Variants in POP4 observed in about 807,000 individuals in gnomAD.
POP4 encodes ribonuclease P protein subunit p29.
Under a neutral mutation model 29.9 loss-of-function variants are expected in POP4, and 31 were observed. The observed-to-expected ratio is 1.04, with a 90% CI of 0.78 to 1.40. POP4 has a LOEUF of 1.40. Ranked by LOEUF, POP4 falls within the 40% of genes most tolerant of loss-of-function variation. The pLI is 0.00. For synonymous variants in POP4, 110 were observed against 108.2 expected (o/e 1.02, Z -0.10); for missense variants, 286 against 282.7 (o/e 1.01, Z -0.08).
intron 5 of POP4, among the ~76,000 whole-genome samples, chr19:29,612,672 T>G (rs539828164): frequency 6.6e-6 from 1 of 152,292 alleles, no homozygotes; most frequent in African/African-American, 2.4e-5. Context: ...CTGCCACCGA[T>G]TCTCCTCACA....
chr19:29,609,620 G>T (rs1971041386), intron 2 of POP4, among the ~76,000 whole-genome samples: 1 of 150,334 alleles, frequency 6.7e-6, no homozygotes, highest in African/African-American at 2.5e-5. Context: ...GAGCTTGGAG[G>T]GTTTCTTTGT....
chr19:29,612,117 G>A lies in POP4; in HGVS notation c.363G>A (p.Thr121=). 1 of 1,606,612 alleles carries A rather than the reference G, an allele frequency of 6.2e-7. No homozygotes were observed. Among genetic ancestry groups the A allele is most frequent in the South Asian group, 1.1e-5 (1 of 89,556 alleles). ...CCAAGGGCTTCTGTTTACCCTGCAG[G>A]CAGCCACAGATGATTCAGGCCAAGC... The part of the protein sequence containing the change: ...RDLCSGLKPD[T]QPQMIQAKLL... Residue 121 remains threonine, a splice_region_variant and synonymous_variant, in exon 5 of 7, where the codon ACG becomes ACA. Coordinates refer to ENST00000585603, the MANE Select transcript of POP4 (RefSeq NM_006627.3).
At chr19:29,613,740 C>G (rs556236696) in intron 5 of POP4, 131 bp from the exon 6 acceptor site, 1 of 1,400,590 alleles carries the variant, frequency 7.1e-7, no homozygotes, top group African/African-American at 1.5e-5. Flanking sequence ...CCCCCACCCC[C>G]TGGGTGCTCT....
chr19:29,610,830 G>C (rs1971059904), intron 3 of POP4, 198 bp downstream of exon 3: 1 of 595,758 alleles, frequency 1.7e-6, no homozygotes, highest in Non-Finnish European at 3.0e-6. Flanking sequence ...TCATTGTCTG[G>C]CCTCTCTCCT....
At chr19:29,609,101 C>T in intron 2 of POP4, 2 of 161,388 alleles carry the variant, frequency 1.2e-5, no homozygotes, top group South Asian at 1.8e-4. Context: ...CCTCGGCCTG[C>T]TTTGTCAGTT....
chr19:29,614,104 T>G lies in POP4; in HGVS notation c.526+132T>G. ...GCAGATTGCAGATACTTGCTGAACC[T>G]GCATTAAAGCCTGCAGAGACCATCC... On this transcript the variant is annotated intron_variant, in intron 6 of 6. Coordinates refer to ENST00000585603, the MANE Select transcript of POP4 (RefSeq NM_006627.3). 2.1e-6 allele frequency: 3 copies of G among 1,442,610 alleles called. No homozygotes were observed. The East Asian group carries it at 7.6e-5, about 36-fold the overall frequency. The allele number at this position is 1,442,610 out of a possible 1,614,324, so 89.4% of individuals were successfully genotyped here.
Position 29,611,893 on chromosome 19 carries a change from T to C in POP4, c.316T>C (p.Trp106Arg). ...CCTTTTCCTCCCTCTCCATGAACTC[T>C]GGAAACAGTACATCAGGGACCTGTG... is the stretch of plus-strand genomic sequence containing the variant. ...YSLFLPLHEL[W>R]KQYIRDLCSG... Residue 106 changes from tryptophan (W) to arginine (R), a missense_variant, in exon 4 of 7, where the codon TGG becomes CGG. Physicochemically the swap from Trp to Arg is moderately radical, Grantham distance 101. Coordinates refer to ENST00000585603, the MANE Select transcript of POP4 (RefSeq NM_006627.3). The C allele has an allele frequency of 6.2e-7, 1 of 1,614,202 alleles. No homozygotes were observed. The highest frequency in any genetic ancestry group is 8.5e-7 in the Non-Finnish European group (1 of 1,180,014).
At chr19:29,607,780 G>T (rs190330975) in intron 1 of POP4, among the ~76,000 whole-genome samples, 1 of 152,214 alleles carries the variant, frequency 6.6e-6, no homozygotes, top group African/African-American at 2.4e-5. Flanking sequence ...CATCGATTAT[G>T]TGACACATTA....
At position 29,615,272 on chromosome 19, in the gene POP4, T is replaced by A; in HGVS notation, c.555T>A (p.Thr185=). The change falls in exon 7 of 7, where the codon ACT becomes ACA. Residue 185 remains threonine (T), a synonymous_variant. Transcript: ENST00000585603. ...TCCCCAAGCTAAACTGCGTGTTCAC[T>A]GTGGAAACCGATGGCTTTATTTCCT... The part of the protein sequence containing the change: ...KVIPKLNCVF[T]VETDGFISYI... 6.2e-7 allele frequency: 1 copy of A among 1,605,426 alleles called. No individual in the cohort carries two copies. Among genetic ancestry groups the A allele is most frequent in the Non-Finnish European group, 8.5e-7 (1 of 1,174,402 alleles).
chr19:29,610,499 C>T lies in POP4; in HGVS notation c.151C>T (p.Leu51=). 1 of 1,612,366 alleles carries T rather than the reference C, an allele frequency of 6.2e-7. No individual in the cohort carries two copies. Among genetic ancestry groups the T allele is most frequent in the Non-Finnish European group, 8.5e-7 (1 of 1,179,462 alleles). ...RMSPQAREDQ[L]QRKAVVLEYF... Reference sequence around the variant, plus strand: ...GAGCCCGCAGGCCCGCGAGGACCAGCTGCAGCGCAAGGCGGTGGTCCTGGA... The same window carrying T: ...GAGCCCGCAGGCCCGCGAGGACCAGTTGCAGCGCAAGGCGGTGGTCCTGGA... Residue 51 remains leucine, a synonymous_variant, in exon 3 of 7, where the codon CTG becomes TTG. Transcript: ENST00000585603.
chr19:29,608,691 G>A lies in POP4; in HGVS notation c.42G>A (p.Ala14=), dbSNP rs770745346. ...VIYHALSQKE[A]NDSDVQPSGA... The stretch of plus-strand genomic sequence containing the variant: ...ACCATGCATTGTCTCAGAAAGAGGC[G>A]AATGACTCCGATGTCCAGGTCAGTT... The change falls in exon 2 of 7, where the codon GCG becomes GCA. Residue 14 remains alanine, a synonymous_variant. Coordinates refer to ENST00000585603, the MANE Select transcript of POP4 (RefSeq NM_006627.3). 30 of 1,613,816 alleles carry A rather than the reference G, an allele frequency of 1.9e-5. No individual in the cohort carries two copies. The highest frequency in any genetic ancestry group is 6.7e-5 in the East Asian group (3 of 44,890).
rs1163570250 is a variant in POP4 at position 29,616,792 on chromosome 19, A to T, written c.*1412A>T. 1 of 152,290 alleles carries T rather than the reference A, an allele frequency of 6.6e-6. No individual in the cohort carries two copies. Among genetic ancestry groups the T allele is most frequent in the Non-Finnish European group, 1.5e-5 (1 of 68,106 alleles). The allele number at this position is 152,290 out of a possible 1,614,324, so 9.4% of individuals were successfully genotyped here. On this transcript the variant is annotated 3_prime_UTR_variant, in exon 7 of 7. Coordinates refer to ENST00000585603, the MANE Select transcript of POP4 (RefSeq NM_006627.3). ...AGTCACCGCTGCCAGTGATGAACAC[A>T]CGCACGGGCTAGGCACATGGAGCCC...
rs1328745414 is a variant in POP4, at chr19:29,611,714, G to T, written c.285-148G>T. The T allele has an allele frequency of 7.5e-6, 5 of 663,306 alleles. No homozygotes were observed. In the African/African-American group the frequency reaches 9.0e-5, roughly 12 times the overall value. The allele number at this position is 663,306 out of a possible 1,614,324, so 41.1% of individuals were successfully genotyped here. A position where few individuals can be genotyped will look rare whatever the true frequency, so the allele number is the denominator to read the frequency against. ...TGTAGGTTCTTGGTCTCGGTTATCA[G>T]CTCAATTGCTCATCGTCGGATTTGC... On this transcript the variant is annotated intron_variant, in intron 3 of 6. Coordinates refer to ENST00000585603, the MANE Select transcript of POP4 (RefSeq NM_006627.3).
At chr19:29,606,391 G>C (rs775901025) in intron 1 of POP4, 66 bp downstream of exon 1, 1 of 1,531,868 alleles carries the variant, frequency 6.5e-7, no homozygotes, top group South Asian at 1.2e-5. Flanking sequence ...GTACTGGTGG[G>C]TGAAATGGGT....
At chr19:29,608,856 C>G in intron 2 of POP4, 147 bp downstream of exon 2, 1 of 736,242 alleles carries the variant, frequency 1.4e-6, no homozygotes, top group Middle Eastern at 3.6e-4. Context: ...GGATCAAAGT[C>G]TGTAGTTCTC....
In POP4 at chr19:29,616,714, C is replaced by T. The variant is rs2042970; in HGVS notation, c.*1334C>T. 81,212 of 152,284 alleles carry T rather than the reference C, an allele frequency of 0.53. 22,027 individuals are homozygous for T. The highest frequency in any genetic ancestry group is 0.61 in the Middle Eastern group (180 of 296). The allele number at this position is 152,284 out of a possible 1,614,324, so 9.4% of individuals were successfully genotyped here. ...TGCTTCCATCCATGCAAGTGTCCTC[C>T]GCTCACCAGGGTGTTCTGAGGCAGC... On this transcript the variant is annotated 3_prime_UTR_variant, in exon 7 of 7. Transcript: ENST00000585603.
In POP4 at chr19:29,610,712, G is replaced by A. The variant is rs921301638; in HGVS notation, c.284+80G>A. The A allele has an allele frequency of 2.6e-5, 36 of 1,402,426 alleles. No individual in the cohort carries two copies. The African/African-American group carries it at 4.0e-4, about 16-fold the overall frequency. 86.9% of individuals were successfully genotyped at this position (1,402,426 alleles called of 1,614,324 possible). A position where few individuals can be genotyped will look rare whatever the true frequency, so the allele number is the denominator to read the frequency against. Reference sequence around the variant, plus strand: ...TGAACTTGGCTGAGTGGCTGGGGAGGCAGCCTGGCTCCACCTAAGCTAAGG... The same window carrying A: ...TGAACTTGGCTGAGTGGCTGGGGAGACAGCCTGGCTCCACCTAAGCTAAGG... On this transcript the variant is annotated intron_variant, in intron 3 of 6. Transcript: ENST00000585603.
rs761673906 is a variant in POP4, at chr19:29,610,466, C to T, written c.118C>T (p.Pro40Ser). The T allele has an allele frequency of 5.0e-6, 8 of 1,602,028 alleles. No homozygotes were observed. The East Asian group carries it at 6.7e-5, about 13-fold the overall frequency. Residue 40 changes from proline to serine, a missense_variant, in exon 3 of 7, where the codon CCC (proline) becomes TCC (serine). Coordinates refer to ENST00000585603, the MANE Select transcript of POP4 (RefSeq NM_006627.3). ...GAGGGCCTTCCTGAAGCGCAGCACG[C>T]CCCGCATGAGCCCGCAGGCCCGCGA... ...FVRAFLKRST[P>S]RMSPQAREDQ...
At chr19:29,607,597 T>G (rs1469999894) in intron 1 of POP4, among the ~76,000 whole-genome samples, 1 of 152,250 alleles carries the variant, frequency 6.6e-6, no homozygotes, top group East Asian at 1.9e-4. Flanking sequence ...CAGGCCTTAG[T>G]AGTCCCATTC....
Sources: gnomAD v4.1 joint callset for allele counts (sites outside exome capture counted in the v4.1 genomes callset) on GRCh38, gnomAD v4.1.1 for gene constraint, MANE v1.5 for transcripts, NCBI Gene and HGNC (gene_info 2026-07-23, HGNC 2026-07-21) for gene names.